The following MSRA variants were observed in gnomAD, a reference collection of about 807,000 sequenced individuals.
The protein encoded by MSRA is methionine sulfoxide reductase A, also known as mitochondrial peptide methionine sulfoxide reductase.
In MSRA, 54 loss-of-function variants were observed where a neutral mutation model predicts 31.3. That is an observed-to-expected ratio of 1.73 (90% CI 1.39 to 2.17). The LOEUF (loss-of-function observed/expected upper bound fraction) is 2.17. MSRA is among the 30% of genes most tolerant of loss of function. The pLI is 0.00. For synonymous variants in MSRA, 169 were observed against 116.5 expected (o/e 1.45, Z -2.90); for missense variants, 507 against 300.9 (o/e 1.69, Z -5.07).
intron 1 of MSRA, among the ~76,000 whole-genome samples, chr8:10,197,767 C>T (rs927675537): frequency 2.0e-5 from 3 of 152,126 alleles, no homozygotes; most frequent in African/African-American, 7.2e-5. Context: ...TGACTTGGCC[C>T]TGACCAGAGA....
At chr8:10,169,002 C>T (rs1183041863) in intron 1 of MSRA, among the ~76,000 whole-genome samples, 1 of 152,218 alleles carries the variant, frequency 6.6e-6, no homozygotes, top group Non-Finnish European at 1.5e-5. Context: ...GGTAGAACCT[C>T]ATGAGGGGAA....
chr8:10,240,570 C>T (rs953852119), intron 2 of MSRA, among the ~76,000 whole-genome samples: 5 of 152,126 alleles, frequency 3.3e-5, no homozygotes, highest in African/African-American at 9.7e-5. Context: ...CCACCTATGT[C>T]TCTCTACCCC....
At chr8:10,286,275 C>T (rs1305061831) in intron 3 of MSRA, among the ~76,000 whole-genome samples, 2 of 152,122 alleles carry the variant, frequency 1.3e-5, no homozygotes, top group African/African-American at 4.8e-5. Context: ...CTTGAATTCC[C>T]ATGTGTTGTG....
chr8:10,355,272 G>A (rs560704133), intron 5 of MSRA, among the ~76,000 whole-genome samples: 1 of 152,314 alleles, frequency 6.6e-6, no homozygotes, highest in East Asian at 1.9e-4. Context: ...TGCAAAGAGA[G>A]GACAGCTGTG....
At chr8:10,162,917 C>G (rs949469560) in intron 1 of MSRA, among the ~76,000 whole-genome samples, 4 of 152,118 alleles carry the variant, frequency 2.6e-5, no homozygotes, top group African/African-American at 9.7e-5. Context: ...ATCATGGGGC[C>G]TCCTGTGGTC....
At chr8:10,060,237 C>T (rs1314345697) in intron 1 of MSRA, among the ~76,000 whole-genome samples, 1 of 152,050 alleles carries the variant, frequency 6.6e-6, no homozygotes. Flanking sequence ...TGGCTAGTTA[C>T]ATAAATTACA....
chr8:10,324,419 G>C (rs149745982), intron 5 of MSRA, among the ~76,000 whole-genome samples: 1 of 152,128 alleles, frequency 6.6e-6, no homozygotes, highest in Non-Finnish European at 1.5e-5. Flanking sequence ...TCCCAAGAGC[G>C]GGACGGCCAT....
At chr8:10,365,403 G>C (rs1805103619) in intron 5 of MSRA, among the ~76,000 whole-genome samples, 1 of 151,950 alleles carries the variant, frequency 6.6e-6, no homozygotes, top group Non-Finnish European at 1.5e-5. Flanking sequence ...AATTTACATT[G>C]TTTCATCTTA....
chr8:10,401,793 A>T (rs994961572), intron 5 of MSRA, among the ~76,000 whole-genome samples: 3 of 152,228 alleles, frequency 2.0e-5, no homozygotes, highest in Non-Finnish European at 2.9e-5. Context: ...GCTAAATGAA[A>T]TAAGCCAGTT....
intron 5 of MSRA, among the ~76,000 whole-genome samples, chr8:10,322,145 A>G (rs528290356): frequency 6.6e-6 from 1 of 152,290 alleles, no homozygotes; most frequent in African/African-American, 2.4e-5. Context: ...GCAGTTTATT[A>G]TCAAGTACCT....
intron 5 of MSRA, among the ~76,000 whole-genome samples, chr8:10,327,637 C>A (rs1053038987): frequency 1.3e-5 from 2 of 152,006 alleles, no homozygotes; most frequent in Non-Finnish European, 2.9e-5. Flanking sequence ...AGTGTCACTA[C>A]CAAATAACCT....
At chr8:10,124,461 C>T (rs13249486) in intron 1 of MSRA, among the ~76,000 whole-genome samples, 1 of 152,144 alleles carries the variant, frequency 6.6e-6, no homozygotes, top group African/African-American at 2.4e-5. Context: ...GCTCCCATTT[C>T]AGGAGGCATC....
At chr8:10,249,701 CT>C (rs1199208427) in intron 3 of MSRA, among the ~76,000 whole-genome samples, 19 of 152,270 alleles carry the variant, frequency 1.2e-4, no homozygotes, top group East Asian at 3.9e-4. Flanking sequence ...CAGCAGACCT[CT>C]GTTGGGCCAT....
chr8:10,269,109 A>G (rs1052896249), intron 3 of MSRA, among the ~76,000 whole-genome samples: 1 of 152,240 alleles, frequency 6.6e-6, no homozygotes. Flanking sequence ...GTTCTAGCCA[A>G]TGTCGATGGA....
rs141688386 is a variant in MSRA, at chr8:10,354,622, A to G, written c.543+34633A>G. On this transcript the variant is annotated intron_variant, in intron 5 of 5. Coordinates refer to ENST00000317173, the MANE Select transcript of MSRA (RefSeq NM_012331.5). ...GTGAAATATCGGTCAGTAAAATCAG[A>G]TTAGAATGATTACAAATGCATCGGT... 2.2e-3 allele frequency among the ~76,000 whole-genome samples: 335 copies of G among 152,152 alleles called. 1 individual carries two copies. The highest frequency in any genetic ancestry group is 7.5e-3 in the African/African-American group (313 of 41,510).
chr8:10,130,843 G>A (rs955158295), intron 1 of MSRA, among the ~76,000 whole-genome samples: 4 of 152,254 alleles, frequency 2.6e-5, no homozygotes, highest in African/African-American at 9.6e-5. Context: ...GCCTTTGAGG[G>A]CACACAGAAA....
chr8:10,180,651 G>A (rs1288362037), intron 1 of MSRA, among the ~76,000 whole-genome samples: 3 of 152,142 alleles, frequency 2.0e-5, no homozygotes, highest in Admixed American at 6.5e-5. Context: ...AGAATACCAA[G>A]GGTTTTAGGA....
intron 1 of MSRA, among the ~76,000 whole-genome samples, chr8:10,102,508 T>C (rs1204138326): frequency 6.6e-6 from 1 of 152,208 alleles, no homozygotes; most frequent in Non-Finnish European, 1.5e-5. Context: ...TTCATGCCCA[T>C]TTTTAGTTGT....
At chr8:10,409,026 C>T (rs1320437176) in intron 5 of MSRA, among the ~76,000 whole-genome samples, 2 of 152,224 alleles carry the variant, frequency 1.3e-5, no homozygotes, top group South Asian at 4.1e-4. Flanking sequence ...CTGTAATACA[C>T]ATCTGAGTGC....
Sources: gnomAD v4.1 joint callset for allele counts (sites outside exome capture counted in the v4.1 genomes callset) on GRCh38, gnomAD v4.1.1 for gene constraint, MANE v1.5 for transcripts, NCBI Gene and HGNC (gene_info 2026-07-23, HGNC 2026-07-21) for gene names.